The following SP4 variants were observed in gnomAD, a reference collection of about 807,000 sequenced individuals.
The protein encoded by SP4 is Sp4 transcription factor.
A neutral mutation model predicts 72.8 loss-of-function variants in SP4; 19 were observed. The observed-to-expected ratio is 0.26, with a 90% CI of 0.18 to 0.38. The LOEUF (loss-of-function observed/expected upper bound fraction) is 0.38, where lower values mean the gene tolerates loss of function less well. Ranked by LOEUF, SP4 falls within the 10% of genes least tolerant of loss-of-function variation. SP4 has a pLI of 1.00. For synonymous variants in SP4, 395 were observed against 333.1 expected, an observed-to-expected ratio of 1.19 and a Z score of -2.02; for missense variants, 1,008 against 926.3, an observed-to-expected ratio of 1.09 and a Z score of -1.14.
Position 21,514,218 on chromosome 7 carries a change from A to G in SP4, c.*2949A>G, listed in dbSNP as rs1397217351. On this transcript the variant is annotated 3_prime_UTR_variant, in exon 6 of 6. Coordinates refer to ENST00000222584, the MANE Select transcript of SP4 (RefSeq NM_003112.5). Reference sequence around the variant, plus strand: ...TTATCACACTCTCATGAGAGCAGTAATAAAAGTGTGTAATCTAGGAGAAAA... The same window carrying G: ...TTATCACACTCTCATGAGAGCAGTAGTAAAAGTGTGTAATCTAGGAGAAAA... 1.3e-5 allele frequency: 2 copies of G among 152,612 alleles called. No homozygotes were observed. The highest frequency in any genetic ancestry group is 2.9e-5 in the Non-Finnish European group (2 of 68,010). The allele number at this position is 152,612 out of a possible 1,614,324, so 9.5% of individuals were successfully genotyped here.
chr7:21,492,247 T>G (rs1384148406), intron 5 of SP4, among the ~76,000 whole-genome samples: 1 of 152,224 alleles, frequency 6.6e-6, no homozygotes, highest in Admixed American at 6.5e-5. Flanking sequence ...TACCAACCAC[T>G]ACAGAGAGGG....
At chr7:21,476,273 CAAAA>C (rs753166936) in intron 3 of SP4, among the ~76,000 whole-genome samples, 8 of 49,656 alleles carry the variant, frequency 1.6e-4, no homozygotes, top group African/African-American at 5.5e-4. Flanking sequence ...GACTCCATCT[CAAAA>C]AAAAAAAAAA....
At chr7:21,502,639 C>G (rs1255371167) in intron 5 of SP4, among the ~76,000 whole-genome samples, 1 of 152,158 alleles carries the variant, frequency 6.6e-6, no homozygotes, top group Non-Finnish European at 1.5e-5. Flanking sequence ...GTGACCCACT[C>G]AACCCAGGCA....
At chr7:21,459,116 ATTGTTTTGTT>A (rs3835335) in intron 3 of SP4, among the ~76,000 whole-genome samples, 2 of 150,556 alleles carry the variant, frequency 1.3e-5, no homozygotes, top group Non-Finnish European at 3.0e-5. Context: ...TGTTTTGGGA[ATTGTTTTGTT>A]TTGTTTTGTT....
intron 3 of SP4, among the ~76,000 whole-genome samples, chr7:21,472,231 C>G (rs775042494): frequency 7.9e-5 from 12 of 152,102 alleles, no homozygotes; most frequent in Non-Finnish European, 1.6e-4. Context: ...AAGTCAGAAC[C>G]CTGGAGAGTG....
chr7:21,437,141 C>A (rs1488086642), intron 3 of SP4, among the ~76,000 whole-genome samples: 2 of 152,272 alleles, frequency 1.3e-5, no homozygotes, highest in Admixed American at 1.3e-4. Context: ...AATAACACCT[C>A]AATTTTTTAA....
At position 21,437,230 on chromosome 7, in the gene SP4, C is replaced by T. The variant is rs181922585; in HGVS notation, c.1678+6387C>T. 2.6e-4 allele frequency among the ~76,000 whole-genome samples: 40 copies of T among 152,248 alleles called. No homozygotes were observed. The East Asian group carries it at 7.5e-3, about 29-fold the overall frequency. On this transcript the variant is annotated intron_variant, in intron 3 of 5. Coordinates refer to ENST00000222584, the MANE Select transcript of SP4 (RefSeq NM_003112.5). ...TGAATGAATTATTGAGTAGTTGGCT[C>T]TTGAGCATTTTAAAAAAGAACCGAG... is the stretch of plus-strand genomic sequence containing the variant.
chr7:21,460,320 G>T (rs1204838728), intron 3 of SP4, among the ~76,000 whole-genome samples: 1 of 152,110 alleles, frequency 6.6e-6, no homozygotes, highest in Non-Finnish European at 1.5e-5. Flanking sequence ...TACTGGCTCA[G>T]GATTGAAGCT....
At chr7:21,473,327 T>C (rs973322940) in intron 3 of SP4, among the ~76,000 whole-genome samples, 7 of 152,136 alleles carry the variant, frequency 4.6e-5, no homozygotes, top group Non-Finnish European at 1.0e-4. Flanking sequence ...ACAAGGAGAA[T>C]AGGGGTAGCA....
At chr7:21,495,488 G>C (rs1235186444) in intron 5 of SP4, among the ~76,000 whole-genome samples, 1 of 151,872 alleles carries the variant, frequency 6.6e-6, no homozygotes, top group South Asian at 2.1e-4. Context: ...TGCATGAAAA[G>C]ATGTCTGATA....
chr7:21,500,092 T>C (rs1355889612), intron 5 of SP4, among the ~76,000 whole-genome samples: 2 of 152,232 alleles, frequency 1.3e-5, no homozygotes, highest in Non-Finnish European at 2.9e-5. Flanking sequence ...CTACATTTTC[T>C]TAATGTGATA....
At position 21,498,108 on chromosome 7, in the gene SP4, T is replaced by C. The variant is rs539004598; in HGVS notation, c.2108-12914T>C. Among the ~76,000 whole-genome samples, 340 of 152,302 alleles carry C rather than the reference T, an allele frequency of 2.2e-3. 2 individuals are homozygous for C. The highest frequency in any genetic ancestry group is 3.6e-3 in the Non-Finnish European group (246 of 68,026). Reference sequence around the variant, plus strand: ...TCAAATTATCATCTTTCCCCCCTTATTACAACCAGCCCTCCTTATATGTGG... The same window carrying C: ...TCAAATTATCATCTTTCCCCCCTTACTACAACCAGCCCTCCTTATATGTGG... On this transcript the variant is annotated intron_variant, in intron 5 of 5. Coordinates refer to ENST00000222584, the MANE Select transcript of SP4 (RefSeq NM_003112.5).
chr7:21,429,721 A>G lies in SP4; in HGVS notation c.556A>G (p.Ser186Gly). ...ACAAATTCAAATCAATCCAACTAGT[A>G]GTTCATCTCTACAGGATTTGCAGGG... ...GQQIQINPTS[S>G]SSLQDLQGQI... Residue 186 changes from serine to glycine, a missense_variant, in exon 3 of 6, where the codon AGT becomes GGT. By Grantham distance (56) the Ser-to-Gly change is moderately conservative. Transcript: ENST00000222584. 6.2e-7 allele frequency: 1 copy of G among 1,614,176 alleles called. No individual in the cohort carries two copies. The highest frequency in any genetic ancestry group is 2.2e-5 in the East Asian group (1 of 44,882).
chr7:21,429,645 T>C lies in SP4; in HGVS notation c.480T>C (p.Ser160=). The change falls in exon 3 of 6, where the codon AGT becomes AGC. Residue 160 remains serine (S), a synonymous_variant. Coordinates refer to ENST00000222584, the MANE Select transcript of SP4 (RefSeq NM_003112.5). ...AAGTCATACAAGTACAAAATCCAAG[T>C]GGTAGTGTACAGTACCAAGTAATTC... ...QFQVIQVQNP[S]GSVQYQVIPQ... is the part of the protein sequence containing the mutation. 2 of 1,614,070 alleles carry C rather than the reference T, an allele frequency of 1.2e-6. No homozygotes were observed. Among genetic ancestry groups the C allele is most frequent in the Non-Finnish European group, 1.7e-6 (2 of 1,179,926 alleles).
intron 3 of SP4, among the ~76,000 whole-genome samples, chr7:21,472,659 C>T: frequency 6.6e-6 from 1 of 151,534 alleles, no homozygotes; most frequent in Non-Finnish European, 1.5e-5. Context: ...TTGCTAAGGC[C>T]ATGCATGGTG....
Position 21,428,144 on chromosome 7 carries a change from C to T in SP4, c.-108C>T, listed in dbSNP as rs947472459. 6.8e-6 allele frequency: 5 copies of T among 732,072 alleles called. No individual in the cohort carries two copies. The highest frequency in any genetic ancestry group is 2.7e-5 in the East Asian group (1 of 37,306). The allele number at this position is 732,072 out of a possible 1,614,324, so 45.3% of individuals were successfully genotyped here. On this transcript the variant is annotated 5_prime_UTR_variant, in exon 1 of 6. Coordinates refer to ENST00000222584, the MANE Select transcript of SP4 (RefSeq NM_003112.5). ...GAGCCTGTGCCAGCTACAGCCTCCTCCGAGCCACCGCGGGCGGGCGGGACC... is the reference window on the plus strand; with the variant it reads ...GAGCCTGTGCCAGCTACAGCCTCCTTCGAGCCACCGCGGGCGGGCGGGACC...
intron 3 of SP4, among the ~76,000 whole-genome samples, chr7:21,440,857 C>T (rs1013383472): frequency 4.4e-5 from 3 of 67,754 alleles, no homozygotes; most frequent in African/African-American, 3.5e-4. Context: ...CTCAAAACAA[C>T]AACAACAACA....
Position 21,430,253 on chromosome 7 carries a change from A to G in SP4, c.1088A>G (p.Gln363Arg). The G allele has an allele frequency of 6.2e-7, 1 of 1,614,190 alleles. No homozygotes were observed. Among genetic ancestry groups the G allele is most frequent in the South Asian group, 1.1e-5 (1 of 91,086 alleles). The part of the protein sequence containing the change: ...SSSERTIEES[Q>R]TPAATESEAQ... ...TCTGAACGCACCATTGAAGAATCTC[A>G]AACACCTGCTGCTACTGAGTCTGAA... The change falls in exon 3 of 6, where the codon CAA (glutamine) becomes CGA (arginine). Residue 363 changes from glutamine (Q) to arginine (R), a missense_variant. Transcript: ENST00000222584.
intron 3 of SP4, among the ~76,000 whole-genome samples, chr7:21,444,008 C>T (rs929415393): frequency 2.0e-5 from 3 of 152,166 alleles, no homozygotes; most frequent in Non-Finnish European, 4.4e-5. Context: ...TTCAGAATTT[C>T]TCTCACCTGT....
Sources: gnomAD v4.1 joint callset for allele counts (sites outside exome capture counted in the v4.1 genomes callset) on GRCh38, gnomAD v4.1.1 for gene constraint, MANE v1.5 for transcripts, NCBI Gene and HGNC (gene_info 2026-07-23, HGNC 2026-07-21) for gene names.